The following LIM2 variants were observed in gnomAD, a reference collection of about 807,000 sequenced individuals.
The protein encoded by LIM2 is lens fiber membrane intrinsic protein.
LIM2 carries 14 observed loss-of-function variants against 19.0 expected under a neutral mutation model. The observed-to-expected ratio is 0.74, with a 90% CI of 0.49 to 1.15. The LOEUF (loss-of-function observed/expected upper bound fraction) is 1.15. Among genes scored for constraint, LIM2 ranks in the 50% most tolerant of loss-of-function variants. The pLI is 0.00. For missense variants in LIM2, 230 were observed against 243.5 expected, an observed-to-expected ratio of 0.94 and a Z score of 0.37; for synonymous variants, 78 against 89.6, an observed-to-expected ratio of 0.87 and a Z score of 0.73.
rs1357060398 is a variant in LIM2, at chr19:51,387,906, GC to G, written c.-7+12del. ...GGGAAGAGGGGGCTACAGGTCTCAC[GC>G]CTGGTGCCTACCTGAGTGGCAGAGC... On this transcript the variant is annotated intron_variant, in intron 1 of 4. Coordinates refer to ENST00000596399, the MANE Select transcript of LIM2 (RefSeq NM_001161748.2). 9.5e-6 allele frequency: 2 copies of G among 210,362 alleles called. No individual in the cohort carries two copies. The highest frequency in any genetic ancestry group is 4.7e-5 in the African/African-American group (2 of 42,836). The allele number at this position is 210,362 out of a possible 1,614,324, so 13.0% of individuals were successfully genotyped here.
chr19:51,382,841 C>CA (rs1208401017), intron 2 of LIM2, among the ~76,000 whole-genome samples: 1 of 152,030 alleles, frequency 6.6e-6, no homozygotes, highest in East Asian at 1.9e-4. Context: ...CTGTCTCCCC[C>CA]TCCAGCCTGA....
Position 51,380,039 on chromosome 19 carries a change from TC to T in LIM2, c.*161del. On this transcript the variant is annotated 3_prime_UTR_variant, in exon 5 of 5. Coordinates refer to ENST00000596399, the MANE Select transcript of LIM2 (RefSeq NM_001161748.2). ...TCCCATGGGCCCTATTCTTCCTCCT[TC>T]CAGCCTAGGACCAGGAGTCAGCCTC... 1 of 689,068 alleles carries T rather than the reference TC, an allele frequency of 1.5e-6. No individual in the cohort carries two copies. The highest frequency in any genetic ancestry group is 1.7e-5 in the South Asian group (1 of 59,260). The allele number at this position is 689,068 out of a possible 1,614,324, so 42.7% of individuals were successfully genotyped here.
chr19:51,386,209 C>T (rs949350333), intron 2 of LIM2, among the ~76,000 whole-genome samples: 7 of 151,166 alleles, frequency 4.6e-5, no homozygotes, highest in South Asian at 2.1e-4. Flanking sequence ...CTGCAGTCTC[C>T]GCCTCCCAGG....
At chr19:51,383,174 A>G (rs1233470719) in intron 2 of LIM2, among the ~76,000 whole-genome samples, 1 of 151,638 alleles carries the variant, frequency 6.6e-6, no homozygotes, top group Non-Finnish European at 1.5e-5. Context: ...AGCTGGGACT[A>G]CAGGTGCGCA....
rs1490674848 is a variant in LIM2, at chr19:51,382,423, G to GA, written c.319dup (p.Ser107PhefsTer59). On this transcript the variant is annotated frameshift_variant, in exon 3 of 5. Transcript: ENST00000596399. LOFTEE classifies it high-confidence loss of function. ...GAGAGGGTGGGCTTACTCACTTGAG[G>GA]AAAAAAACATGATGCCAGCAGAGAA... 1 of 1,613,748 alleles carries GA rather than the reference G, an allele frequency of 6.2e-7. No homozygotes were observed.
chr19:51,387,332 C>A lies in LIM2; in HGVS notation c.112G>T (p.Ala38Ser). 1 of 1,614,094 alleles carries A rather than the reference C, an allele frequency of 6.2e-7. No homozygotes were observed. Among genetic ancestry groups the A allele is most frequent in the Non-Finnish European group, 8.5e-7 (1 of 1,180,032 alleles). Residue 38 changes from alanine (A) to serine (S), a missense_variant, in exon 2 of 5, where the codon GCC (alanine) becomes TCC (serine). Physicochemically the swap from Ala to Ser is moderately conservative, Grantham distance 99 (BLOSUM62 1). Transcript: ENST00000596399. Reference sequence around the variant, plus strand: ...CAGTACCGCCACAGGCCCTGGTGGGCGAAGGACCCTGACAGCCGGTACTGC... The same window carrying A: ...CAGTACCGCCACAGGCCCTGGTGGGAGAAGGACCCTGACAGCCGGTACTGC... ...WMQYRLSGSFAHQGLWRYCLG... is the reference protein window; with the variant it reads ...WMQYRLSGSFSHQGLWRYCLG...
intron 3 of LIM2, 67 bp downstream of exon 3, chr19:51,382,351 G>T: frequency 2.5e-6 from 4 of 1,569,784 alleles, no homozygotes; most frequent in Non-Finnish European, 3.5e-6. Context: ...GGTGTTGAGG[G>T]GTGGGGACAG....
rs191407731 is a variant in LIM2, at chr19:51,380,223, C to T, written c.500G>A (p.Arg167Gln). The change falls in exon 5 of 5, where the codon CGG becomes CAG. Residue 167 changes from arginine to glutamine, a missense_variant. Coordinates refer to ENST00000596399, the MANE Select transcript of LIM2 (RefSeq NM_001161748.2). ...GGCTCAGCGGGGTGTAGACAGGCGC[C>T]GGCATTCATGCACCCGGTAGGCGCA... ...YMCAYRVHEC[R>Q]RLSTPR The T allele has an allele frequency of 2.7e-5, 44 of 1,613,772 alleles. No individual in the cohort carries two copies. The highest frequency in any genetic ancestry group is 3.3e-4 in the Middle Eastern group (2 of 6,050).
chr19:51,385,210 C>G (rs1987001988), intron 2 of LIM2, among the ~76,000 whole-genome samples: 1 of 151,748 alleles, frequency 6.6e-6, no homozygotes, highest in African/African-American at 2.4e-5. Context: ...GATGCTGTCT[C>G]TACAAAAATC....
At chr19:51,380,422 T>C in intron 4 of LIM2, 83 bp downstream of exon 4, 2 of 1,603,044 alleles carry the variant, frequency 1.2e-6, no homozygotes, top group Non-Finnish European at 1.7e-6. Flanking sequence ...GTGGGACTCA[T>C]GTGGGACACC....
At position 51,380,526 on chromosome 19, in the gene LIM2, CT is replaced by C; in HGVS notation, c.438del (p.Val147CysfsTer3). On this transcript the variant is annotated frameshift_variant, in exon 4 of 5. Transcript: ENST00000596399. LOFTEE classifies it high-confidence loss of function. ...GTACCTGCGAAGAACGTCATGAGCA[CT>C]GCCACCCAGCCCAGGATGTAGGACC... ...FSWSYILGWV[A>X]VLMTFFAGIF... 1 of 1,614,210 alleles carries C rather than the reference CT, an allele frequency of 6.2e-7. No homozygotes were observed. The highest frequency in any genetic ancestry group is 1.1e-5 in the South Asian group (1 of 91,086).
intron 1 of LIM2, 111 bp from the exon 2 acceptor site, chr19:51,387,560 G>A: frequency 2.0e-6 from 3 of 1,483,424 alleles, no homozygotes; most frequent in Non-Finnish European, 2.7e-6. Flanking sequence ...GGGAGAAGGA[G>A]ATGGAGACCT....
At chr19:51,387,584 C>T in intron 1 of LIM2, 135 bp from the exon 2 acceptor site, 2 of 1,312,670 alleles carry the variant, frequency 1.5e-6, no homozygotes, top group South Asian at 2.6e-5. Flanking sequence ...CGCCTGGGTC[C>T]TGGGCGAGGA....
At chr19:51,385,901 C>G (rs1355479420) in intron 2 of LIM2, among the ~76,000 whole-genome samples, 1 of 152,134 alleles carries the variant, frequency 6.6e-6, no homozygotes, top group Admixed American at 6.5e-5. Flanking sequence ...ACGCTTAGCT[C>G]TTCTTCTCAG....
intron 2 of LIM2, among the ~76,000 whole-genome samples, chr19:51,385,167 G>A (rs1329734751): frequency 2.0e-5 from 3 of 151,906 alleles, no homozygotes; most frequent in Admixed American, 1.3e-4. Flanking sequence ...ATCTGAAGCC[G>A]GGAGTTTGAA....
chr19:51,382,716 G>T, intron 2 of LIM2, 149 bp from the exon 3 acceptor site: 1 of 1,061,468 alleles, frequency 9.4e-7, no homozygotes, highest in Non-Finnish European at 1.4e-6. Context: ...TCTTCACCTG[G>T]CAAACTCCTA....
chr19:51,383,710 G>A (rs950698460), intron 2 of LIM2, among the ~76,000 whole-genome samples: 1 of 152,118 alleles, frequency 6.6e-6, no homozygotes, highest in Non-Finnish European at 1.5e-5. Flanking sequence ...CCATTTTTAT[G>A]CTTCTTTTTC....
chr19:51,384,794 A>G (rs886437033), intron 2 of LIM2, among the ~76,000 whole-genome samples: 10 of 152,264 alleles, frequency 6.6e-5, no homozygotes, highest in African/African-American at 1.9e-4. Flanking sequence ...CTGGAATCCC[A>G]GCACTTTGGG....
intron 4 of LIM2, 96 bp downstream of exon 4, chr19:51,380,409 G>A (rs1156934873): frequency 6.3e-6 from 10 of 1,590,726 alleles, no homozygotes; most frequent in Non-Finnish European, 7.8e-6. Flanking sequence ...CTGACCCAGT[G>A]CTGTGGGACT....
Sources: allele counts gnomAD v4.1 joint callset (sites outside exome capture counted in the v4.1 genomes callset), GRCh38; gene constraint gnomAD v4.1.1; transcripts MANE v1.5; gene names NCBI Gene and HGNC (gene_info 2026-07-23, HGNC 2026-07-21).